The following IRX2 variants were observed in gnomAD, a reference collection of about 807,000 sequenced individuals.
IRX2 encodes iroquois homeobox 2, also known as iroquois-class homeodomain protein IRX-2.
In IRX2, 26 loss-of-function variants were observed where a neutral mutation model predicts 42.9. The observed-to-expected ratio is 0.61, with a 90% CI of 0.44 to 0.84. The LOEUF (loss-of-function observed/expected upper bound fraction) is 0.84, where lower values mean the gene tolerates loss of function less well. Ranked by LOEUF, IRX2 falls within the 40% of genes least tolerant of loss-of-function variation. The pLI is 0.00. For synonymous variants in IRX2, 424 were observed against 353.9 expected, an observed-to-expected ratio of 1.20 and a Z score of -2.22; for missense variants, 782 against 713.9, an observed-to-expected ratio of 1.10 and a Z score of -1.09.
At chr5:2,740,767 G>A in the IRX2 span, among the ~76,000 whole-genome samples, 1 of 152,172 alleles carries the variant, frequency 6.6e-6, no homozygotes, top group Non-Finnish European at 1.5e-5. Context: ...GCAGGCAGCC[G>A]GGCCAGCGCC....
chr5:2,749,170 AC>A (rs1254832399), intron 2 of IRX2, 118 bp from the exon 3 acceptor site: 8 of 1,480,084 alleles, frequency 5.4e-6, no homozygotes, highest in Non-Finnish European at 7.1e-6. Flanking sequence ...CCTCGCCCCC[AC>A]CCGGCCACGT....
chr5:2,748,176 C>G (rs565159663), intron 3 of IRX2, among the ~76,000 whole-genome samples, 169 bp downstream of exon 3: 1 of 152,218 alleles, frequency 6.6e-6, no homozygotes, highest in Non-Finnish European at 1.5e-5. Flanking sequence ...AGGGCCACAC[C>G]TTCTTTGGCT....
chr5:2,751,219 C>T lies in IRX2; in HGVS notation c.195G>A (p.Pro65=). ...TAQAATGFGS[P]LQYSADAAAA... ...CGGCGGCGTCGGCCGAGTACTGCAGCGGGCTCCCGAAGCCGGTGGCCGCCT... is the reference window on the plus strand; with the variant it reads ...CGGCGGCGTCGGCCGAGTACTGCAGTGGGCTCCCGAAGCCGGTGGCCGCCT... Residue 65 remains proline (P), a synonymous_variant, in exon 1 of 4, where the codon CCG becomes CCA. Coordinates refer to ENST00000302057, the MANE Select transcript of IRX2 (RefSeq NM_033267.5). This position sits in a 1 kb window ranked among gnomAD's most constrained non-coding sequence, Gnocchi z 4.0. 2 of 1,354,292 alleles carry T rather than the reference C, an allele frequency of 1.5e-6. No individual in the cohort carries two copies. Among genetic ancestry groups the T allele is most frequent in the Non-Finnish European group, 1.9e-6 (2 of 1,054,144 alleles). 83.9% of individuals were successfully genotyped at this position (1,354,292 alleles called of 1,614,324 possible). A position where few individuals can be genotyped will look rare whatever the true frequency, so the allele number is the denominator to read the frequency against.
chr5:2,749,180 G>A (rs576909639), intron 2 of IRX2, 128 bp from the exon 3 acceptor site: 5 of 1,476,172 alleles, frequency 3.4e-6, no homozygotes, highest in Middle Eastern at 4.8e-4. Context: ...ACCCGGCCAC[G>A]TGACAGGCGG....
At chr5:2,741,122 C>A (rs1279986356), downstream of IRX2, among the ~76,000 whole-genome samples, 1 of 152,272 alleles carries the variant, frequency 6.6e-6, no homozygotes, top group East Asian at 1.9e-4. Flanking sequence ...ACCGCAACGC[C>A]GCTATTAGTA....
downstream of IRX2, among the ~76,000 whole-genome samples, chr5:2,740,888 T>C (rs1737521702): frequency 6.6e-6 from 1 of 152,064 alleles, no homozygotes; most frequent in Non-Finnish European, 1.5e-5. Flanking sequence ...AGCTGAGACC[T>C]CCTCGCCCCC....
In IRX2 at chr5:2,751,435, C is replaced by T. The variant is rs1737981091; in HGVS notation, c.-22G>A. ...ACATGGTGGGCGCGGGGCGCGGGGC[C>T]CGCGTCACGCCGAGCAGCGGGCAGG... is the stretch of plus-strand genomic sequence containing the variant. On this transcript the variant is annotated 5_prime_UTR_variant, in exon 1 of 4. Transcript: ENST00000302057. The surrounding 1 kb of genome is among the most constrained non-coding windows in gnomAD (Gnocchi z 4.0). 1 of 1,240,290 alleles carries T rather than the reference C, an allele frequency of 8.1e-7. No individual in the cohort carries two copies. The highest frequency in any genetic ancestry group is 1.0e-6 in the Non-Finnish European group (1 of 991,204). 76.8% of individuals were successfully genotyped at this position (1,240,290 alleles called of 1,614,324 possible).
At chr5:2,749,881 T>G in intron 1 of IRX2, 94 bp from the exon 2 acceptor site, 2 of 1,323,200 alleles carry the variant, frequency 1.5e-6, no homozygotes, top group Non-Finnish European at 2.0e-6. Context: ...ACGGCCACCG[T>G]TCCCCCCGTG....
In IRX2 at chr5:2,751,472, C is replaced by T; in HGVS notation, c.-59G>A. 2.8e-6 allele frequency: 3 copies of T among 1,065,086 alleles called. No individual in the cohort carries two copies. The highest frequency in any genetic ancestry group is 3.4e-6 in the Non-Finnish European group (3 of 881,882). 66.0% of individuals were successfully genotyped at this position (1,065,086 alleles called of 1,614,324 possible). ...GAGCAGCGGGCAGGGCGCGCGGCGC[C>T]CTCCATCCACGCCCGGCCGGGGCGC... On this transcript the variant is annotated 5_prime_UTR_variant, in exon 1 of 4. Coordinates refer to ENST00000302057, the MANE Select transcript of IRX2 (RefSeq NM_033267.5). The surrounding 1 kb of genome is among the most constrained non-coding windows in gnomAD (Gnocchi z 4.0).
chr5:2,747,847 CAG>C (rs923022429), intron 3 of IRX2, among the ~76,000 whole-genome samples: 1 of 152,112 alleles, frequency 6.6e-6, no homozygotes, highest in African/African-American at 2.4e-5. Context: ...CAACATAGCA[CAG>C]GGGAAAAAAC....
At chr5:2,743,594 G>T (rs925681804), downstream of IRX2, among the ~76,000 whole-genome samples, 13 of 143,926 alleles carry the variant, frequency 9.0e-5, no homozygotes, top group African/African-American at 3.4e-4. Context: ...CCGCCCCAAA[G>T]CCCATCTGCT....
Position 2,747,061 on chromosome 5 carries a change from T to C in IRX2, c.*503A>G, listed in dbSNP as rs1383007981. ...CGCCTCGTGTCTCTTCAGTCTTATT[T>C]TGCAAACATCATCTATAAAGGTTTT... On this transcript the variant is annotated 3_prime_UTR_variant, in exon 4 of 4. Transcript: ENST00000302057. 6.6e-6 allele frequency: 1 copy of C among 152,166 alleles called. No individual in the cohort carries two copies. The highest frequency in any genetic ancestry group is 1.5e-5 in the Non-Finnish European group (1 of 68,040). The allele number at this position is 152,166 out of a possible 1,614,324, so 9.4% of individuals were successfully genotyped here.
Position 2,747,570 on chromosome 5 carries a change from G to A in IRX2, c.1410C>T (p.Tyr470=). 1 of 1,614,020 alleles carries A rather than the reference G, an allele frequency of 6.2e-7. No homozygotes were observed. ...CTVVGGGVQP[Y]L ...ATTGCTGTGCTCGGCCCTTCTATAG[G>A]TAGGGCTGGACGCCCCCGCCAACCA... The change falls in exon 4 of 4, where the codon TAC becomes TAT. Residue 470 remains tyrosine, a synonymous_variant. Coordinates refer to ENST00000302057, the MANE Select transcript of IRX2 (RefSeq NM_033267.5).
chr5:2,747,750 T>G (rs1737725865), intron 3 of IRX2, 134 bp from the exon 4 acceptor site: 2 of 784,090 alleles, frequency 2.6e-6, no homozygotes, highest in Admixed American at 2.3e-5. Context: ...GGCCGCTATC[T>G]GAGACGACTT....
intron 3 of IRX2, 137 bp from the exon 4 acceptor site, chr5:2,747,753 G>C: frequency 1.3e-6 from 1 of 771,840 alleles, no homozygotes. Flanking sequence ...CGCTATCTGA[G>C]ACGACTTTTG....
At chr5:2,740,411 G>A in the IRX2 span, among the ~76,000 whole-genome samples, 1 of 152,266 alleles carries the variant, frequency 6.6e-6, no homozygotes, top group Middle Eastern at 3.4e-3. Context: ...ACTGGCCTTG[G>A]TCGTTGCCTT....
At chr5:2,738,963 C>A in the IRX2 span, among the ~76,000 whole-genome samples, 1 of 152,164 alleles carries the variant, frequency 6.6e-6, no homozygotes, top group African/African-American at 2.4e-5. Context: ...GGTAGGCCTA[C>A]TGTGGGATGG....
At chr5:2,745,953 C>T (rs1301378128), downstream of IRX2, 2 of 150,816 alleles carry the variant, frequency 1.3e-5, no homozygotes, top group Admixed American at 1.3e-4. Flanking sequence ...TTTGCAATAC[C>T]TGTATAGAAA....
downstream of IRX2, among the ~76,000 whole-genome samples, chr5:2,742,560 A>G (rs1259727393): frequency 6.6e-6 from 1 of 152,242 alleles, no homozygotes; most frequent in African/African-American, 2.4e-5. Context: ...TTTCAAAAAA[A>G]TAGTTAAAAT....
Sources: gnomAD v4.1 joint callset for allele counts (sites outside exome capture counted in the v4.1 genomes callset) on GRCh38, gnomAD v4.1.1 for gene constraint, Gnocchi (gnomAD v3.1) non-coding constraint, MANE v1.5 for transcripts, NCBI Gene and HGNC (gene_info 2026-07-23, HGNC 2026-07-21) for gene names.